TMEM132A: variants seen among roughly 807,000 people sequenced by gnomAD.
TMEM132A encodes the protein GRP78-binding protein.
Under a neutral mutation model 69.9 loss-of-function variants are expected in TMEM132A, and 48 were observed. That is an observed-to-expected ratio of 0.69 (90% CI 0.55 to 0.87). The LOEUF is 0.87. TMEM132A is among the 40% of genes least tolerant of loss of function. The pLI is 0.00. For missense variants in TMEM132A, 1,287 were observed against 1,407.2 expected, an observed-to-expected ratio of 0.91 and a Z score of 1.37; for synonymous variants, 577 against 613.7, an observed-to-expected ratio of 0.94 and a Z score of 0.88.
chr11:60,936,576 C>T lies in TMEM132A; in HGVS notation c.2741C>T (p.Pro914Leu), dbSNP rs764841359. 5 of 1,605,760 alleles carry T rather than the reference C, an allele frequency of 3.1e-6. No homozygotes were observed. The East Asian group carries it at 1.1e-4, about 36-fold the overall frequency. The change falls in exon 11 of 11, where the codon CCT (proline) becomes CTT (leucine). Residue 914 changes from proline to leucine, a missense_variant. By Grantham distance (98) the Pro-to-Leu change is moderately conservative (BLOSUM62 -3). Transcript: ENST00000453848. ...AGCCGCCAGCTGGACCGGCAGTCCC[C>T]TGGCCCGCCCAAGGGGGAGGGGAGC... ...ELSRQLDRQSPGPPKGEGSCP... is the reference protein window; with the variant it reads ...ELSRQLDRQSLGPPKGEGSCP...
Position 60,924,662 on chromosome 11 carries a change from C to G in TMEM132A, c.29C>G (p.Thr10Arg). 2 of 1,594,914 alleles carry G rather than the reference C, an allele frequency of 1.3e-6. No homozygotes were observed. The highest frequency in any genetic ancestry group is 1.3e-5 in the African/African-American group (1 of 74,158). The change falls in exon 1 of 11, where the codon ACA becomes AGA. Residue 10 changes from threonine to arginine, a missense_variant. Transcript: ENST00000453848. The stretch of plus-strand genomic sequence containing the variant: ...TGCGCGCGGATGGCCGGTCGCACAA[C>G]AGCGGCCCCTCGGGGGCCCTACGGC... MCARMAGRT[T>R]AAPRGPYGPW...
intron 1 of TMEM132A, chr11:60,926,957 A>G: frequency 1.7e-6 from 1 of 579,696 alleles, no homozygotes; most frequent in Non-Finnish European, 3.1e-6. Context: ...TGTGGAAAGT[A>G]GAAGGAATAG....
chr11:60,930,642 C>T lies in TMEM132A; in HGVS notation c.999C>T (p.Leu333=). Residue 333 remains leucine (L), a synonymous_variant, in exon 5 of 11, where the codon CTC becomes CTT. Transcript: ENST00000453848. ...TTLITCHRAG[L]TEPDSSPLEL... ...TCATCACCTGCCACCGTGCTGGGCT[C>T]ACAGAGCCAGATTCCAGGTGGGCAG... 6.2e-7 allele frequency: 1 copy of T among 1,610,604 alleles called. No homozygotes were observed. The highest frequency in any genetic ancestry group is 8.5e-7 in the Non-Finnish European group (1 of 1,178,566).
intron 1 of TMEM132A, 42 bp downstream of exon 1, chr11:60,924,775 C>T (rs1376408723): frequency 7.2e-6 from 10 of 1,390,894 alleles, no homozygotes; most frequent in East Asian, 2.7e-5. Flanking sequence ...CGGCCGGGCC[C>T]GGCCGAGTGG....
chr11:60,927,985 T>A, intron 3 of TMEM132A, 126 bp downstream of exon 3: 1 of 755,614 alleles, frequency 1.3e-6, no homozygotes, highest in Non-Finnish European at 2.1e-6. Context: ...CGACTCCATT[T>A]CTGCCCCCAC....
chr11:60,934,700 G>T lies in TMEM132A; in HGVS notation c.1772G>T (p.Arg591Leu), dbSNP rs754199967. ...VAPHARVLDSRVASLEGGRVV... is the reference protein window; with the variant it reads ...VAPHARVLDSLVASLEGGRVV... ...CCACACGCCCGCGTGCTGGACTCGC[G>T]TGTAGCCTCTCTGGAGGGTGGCCGT... The change falls in exon 9 of 11, where the codon CGT (arginine) becomes CTT (leucine). Residue 591 changes from arginine (R) to leucine (L), a missense_variant. Arg to Leu is a moderately radical substitution (Grantham distance 102). Transcript: ENST00000453848. 18 of 1,607,052 alleles carry T rather than the reference G, an allele frequency of 1.1e-5. No homozygotes were observed. The highest frequency in any genetic ancestry group is 1.7e-4 in the Middle Eastern group (1 of 5,962).
At position 60,936,273 on chromosome 11, in the gene TMEM132A, G is replaced by A. The variant is rs764353563; in HGVS notation, c.2438G>A (p.Arg813Gln). 79 of 1,614,032 alleles carry A rather than the reference G, an allele frequency of 4.9e-5. No individual in the cohort carries two copies. The Middle Eastern group carries it at 4.9e-4, about 10-fold the overall frequency. The change falls in exon 11 of 11, where the codon CGG becomes CAG. Residue 813 changes from arginine (R) to glutamine (Q), a missense_variant. By Grantham distance (43) the Arg-to-Gln change is conservative. Transcript: ENST00000453848. ...GNTGVRGKFERAEEEARKEET... is the reference protein window; with the variant it reads ...GNTGVRGKFEQAEEEARKEET... ...ACAGGTGTGAGGGGCAAGTTTGAGC[G>A]GGCAGAGGAGGAGGCCAGGAAGGAG... is the stretch of plus-strand genomic sequence containing the variant.
Position 60,924,476 on chromosome 11 carries a change from T to A in TMEM132A, c.-158T>A, listed in dbSNP as rs1388054848. On this transcript the variant is annotated 5_prime_UTR_variant, in exon 1 of 11. Coordinates refer to ENST00000453848, the MANE Select transcript of TMEM132A (RefSeq NM_178031.3). The stretch of plus-strand genomic sequence containing the variant: ...TCCCACCCCACTGCTCCCGCTCCAT[T>A]GTCTGGGAATTGCAGCCGCGGGGCG... 1 of 418,836 alleles carries A rather than the reference T, an allele frequency of 2.4e-6. No individual in the cohort carries two copies. Among genetic ancestry groups the A allele is most frequent in the Non-Finnish European group, 4.0e-6 (1 of 251,198 alleles). 25.9% of individuals were successfully genotyped at this position (418,836 alleles called of 1,614,324 possible). A position where few individuals can be genotyped will look rare whatever the true frequency, so the allele number is the denominator to read the frequency against.
At position 60,935,406 on chromosome 11, in the gene TMEM132A, C is replaced by T. The variant is rs774600588; in HGVS notation, c.1991C>T (p.Thr664Met). Residue 664 changes from threonine (T) to methionine (M), a missense_variant, in exon 10 of 11, where the codon ACG (threonine) becomes ATG (methionine). Coordinates refer to ENST00000453848, the MANE Select transcript of TMEM132A (RefSeq NM_178031.3). The surrounding 1 kb of genome is among the most constrained non-coding windows in gnomAD (Gnocchi z 5.0). ...GCCCACCCCGGGGAGGTCACAGCTACGTGCTGGGCACAGTCAGCCCTTCCC... is the reference window on the plus strand; with the variant it reads ...GCCCACCCCGGGGAGGTCACAGCTATGTGCTGGGCACAGTCAGCCCTTCCC... ...GTAHPGEVTA[T>M]CWAQSALPAP... The T allele has an allele frequency of 1.2e-5, 20 of 1,610,702 alleles. No individual in the cohort carries two copies. Among genetic ancestry groups the T allele is most frequent in the East Asian group, 6.7e-5 (3 of 44,780 alleles).
chr11:60,932,367 G>A (rs1391698268), intron 7 of TMEM132A: 1 of 428,572 alleles, frequency 2.3e-6, no homozygotes, highest in East Asian at 3.7e-5. Flanking sequence ...GCACTGGCAA[G>A]TGCGCTGGCC....
intron 1 of TMEM132A, chr11:60,926,906 G>T (rs1292142469): frequency 4.1e-6 from 2 of 482,734 alleles, no homozygotes; most frequent in African/African-American, 3.9e-5. Flanking sequence ...TGGGGAAAAG[G>T]AGACATTGAG....
At position 60,930,391 on chromosome 11, in the gene TMEM132A, A is replaced by G. The variant is rs1457832596; in HGVS notation, c.867-119A>G. On this transcript the variant is annotated intron_variant, in intron 4 of 10. Coordinates refer to ENST00000453848, the MANE Select transcript of TMEM132A (RefSeq NM_178031.3). The stretch of plus-strand genomic sequence containing the variant: ...CCTTCTGGGTTGGAGGATGGTGAAG[A>G]GGAGATTCAGACTGGAGCCAGGGAG... The G allele has an allele frequency of 3.3e-6, 4 of 1,209,000 alleles. No homozygotes were observed. In the African/African-American group the frequency reaches 6.2e-5, roughly 19 times the overall value. 74.9% of individuals were successfully genotyped at this position (1,209,000 alleles called of 1,614,324 possible).
At chr11:60,927,978 C>A in intron 3 of TMEM132A, 119 bp downstream of exon 3, 1 of 807,296 alleles carries the variant, frequency 1.2e-6, no homozygotes, top group African/African-American at 1.7e-5. Flanking sequence ...GACCACCCGA[C>A]TCCATTTCTG....
intron 1 of TMEM132A, 61 bp from the exon 2 acceptor site, chr11:60,927,143 C>T (rs752530059): frequency 2.1e-6 from 3 of 1,456,188 alleles, no homozygotes; most frequent in Non-Finnish European, 2.9e-6. Flanking sequence ...CAGCATGGCA[C>T]CCGGGTCAGC....
chr11:60,933,221 G>T, intron 7 of TMEM132A: 1 of 294,906 alleles, frequency 3.4e-6, no homozygotes, highest in Non-Finnish European at 6.2e-6. Flanking sequence ...GTCTCACTCT[G>T]TCCCCAGGCT....
At position 60,928,933 on chromosome 11, in the gene TMEM132A, A is replaced by G; in HGVS notation, c.839A>G (p.Asn280Ser). 6.2e-7 allele frequency: 1 copy of G among 1,612,566 alleles called. No individual in the cohort carries two copies. The change falls in exon 4 of 11, where the codon AAC (asparagine) becomes AGC (serine). Residue 280 changes from asparagine (N) to serine (S), a missense_variant. By Grantham distance (46) the Asn-to-Ser change is conservative. Transcript: ENST00000453848. ...LFSATLLLRH[N>S]FTASLLTLRI... ...AGTGCTACCCTCCTGCTTCGGCACA[A>G]CTTCACAGCCAGCCTCCTGACCCTG...
At position 60,934,476 on chromosome 11, in the gene TMEM132A, C is replaced by T. The variant is rs1856546029; in HGVS notation, c.1560-12C>T. The stretch of plus-strand genomic sequence containing the variant: ...AGCGCTGACGGCCAGTCCCGGCCTC[C>T]CCGCCCTGCAGGCCTGCGGAACCCG... On this transcript the variant is annotated splice_polypyrimidine_tract_variant and intron_variant, in intron 8 of 10. Transcript: ENST00000453848. The T allele has an allele frequency of 8.0e-6, 11 of 1,371,218 alleles. No individual in the cohort carries two copies. The highest frequency in any genetic ancestry group is 1.0e-5 in the Non-Finnish European group (11 of 1,069,150). 84.9% of individuals were successfully genotyped at this position (1,371,218 alleles called of 1,614,324 possible).
Position 60,924,471 on chromosome 11 carries a change from TCC to T in TMEM132A, c.-162_-161del. The T allele has an allele frequency of 2.4e-6, 1 of 413,212 alleles. No homozygotes were observed. The highest frequency in any genetic ancestry group is 4.1e-6 in the Non-Finnish European group (1 of 246,384). 25.6% of individuals were successfully genotyped at this position (413,212 alleles called of 1,614,324 possible). On this transcript the variant is annotated 5_prime_UTR_variant, in exon 1 of 11. Coordinates refer to ENST00000453848, the MANE Select transcript of TMEM132A (RefSeq NM_178031.3). ...CTCCCTCCCACCCCACTGCTCCCGC[TCC>T]ATTGTCTGGGAATTGCAGCCGCGGG...
Position 60,936,969 on chromosome 11 carries a change from C to T in TMEM132A, c.*62C>T. 7.2e-7 allele frequency: 1 copy of T among 1,386,456 alleles called. No individual in the cohort carries two copies. The highest frequency in any genetic ancestry group is 9.5e-7 in the Non-Finnish European group (1 of 1,047,838). The allele number at this position is 1,386,456 out of a possible 1,614,324, so 85.9% of individuals were successfully genotyped here. Reference sequence around the variant, plus strand: ...AACGAGGGTGGAGGTCCCACTGAGCCTCTCGCCTGCCCCCGCCACTCGTCT... The same window carrying T: ...AACGAGGGTGGAGGTCCCACTGAGCTTCTCGCCTGCCCCCGCCACTCGTCT... On this transcript the variant is annotated 3_prime_UTR_variant, in exon 11 of 11. Transcript: ENST00000453848.
Sources: gnomAD v4.1 joint callset for allele counts on GRCh38, gnomAD v4.1.1 for gene constraint, Gnocchi (gnomAD v3.1) non-coding constraint, MANE v1.5 for transcripts, NCBI Gene and HGNC (gene_info 2026-07-23, HGNC 2026-07-21) for gene names.